GSK3B: variants seen among roughly 807,000 people sequenced by gnomAD.
The protein encoded by GSK3B is glycogen synthase kinase-3 beta.
A neutral mutation model predicts 56.4 loss-of-function variants in GSK3B; 15 were observed. The observed-to-expected ratio is 0.27, with a 90% CI of 0.18 to 0.41. The LOEUF (loss-of-function observed/expected upper bound fraction) is 0.41, where lower values mean the gene tolerates loss of function less well. Ranked by LOEUF, GSK3B falls within the 10% of genes least tolerant of loss-of-function variation. The probability of loss-of-function intolerance (pLI) is 1.00; values close to 1 mark genes in which losing one functional copy is unlikely to be tolerated. For synonymous variants in GSK3B, 181 were observed against 188.9 expected (o/e 0.96, Z 0.34); for missense variants, 300 against 513.4 (o/e 0.58, Z 4.02).
intron 7 of GSK3B, among the ~76,000 whole-genome samples, chr3:119,894,545 G>A: frequency 6.6e-6 from 1 of 152,196 alleles, no homozygotes; most frequent in African/African-American, 2.4e-5. Context: ...CTGGCCATTT[G>A]TGTATCTTCT....
At chr3:120,057,229 AATTT>A (rs1212952523) in intron 1 of GSK3B, among the ~76,000 whole-genome samples, 1 of 152,258 alleles carries the variant, frequency 6.6e-6, no homozygotes, top group East Asian at 1.9e-4. Flanking sequence ...TTAAATCAAC[AATTT>A]TTTTTAAATT....
chr3:119,859,787 T>G (rs1288521113), intron 9 of GSK3B, among the ~76,000 whole-genome samples: 1 of 152,154 alleles, frequency 6.6e-6, no homozygotes, highest in Non-Finnish European at 1.5e-5. Context: ...ATATTCAGTC[T>G]GTCTGAGTCT....
intron 1 of GSK3B, among the ~76,000 whole-genome samples, chr3:120,024,309 CA>C (rs1219811010): frequency 6.6e-6 from 1 of 151,952 alleles, no homozygotes; most frequent in African/African-American, 2.4e-5. Context: ...CTACTGGAGC[CA>C]CTACTGTACT....
chr3:119,933,329 T>C (rs2056965040), intron 3 of GSK3B, among the ~76,000 whole-genome samples: 1 of 152,172 alleles, frequency 6.6e-6, no homozygotes. Flanking sequence ...TCCAAACTCA[T>C]GCAATCTATT....
chr3:119,898,174 A>G (rs1181980362), intron 7 of GSK3B, among the ~76,000 whole-genome samples: 1 of 152,216 alleles, frequency 6.6e-6, no homozygotes, highest in East Asian at 1.9e-4. Context: ...ATTTCATGAT[A>G]AAGTGTCAAA....
At chr3:119,935,876 T>C (rs1048891576) in intron 3 of GSK3B, among the ~76,000 whole-genome samples, 3 of 152,186 alleles carry the variant, frequency 2.0e-5, no homozygotes, top group Non-Finnish European at 4.4e-5. Context: ...TTTAGCAACA[T>C]ATAAAAATGA....
chr3:119,843,337 T>C lies in GSK3B; in HGVS notation c.1113A>G (p.Pro371=). The change falls in exon 10 of 11, where the codon CCA becomes CCG. Residue 371 remains proline (P), a synonymous_variant. Coordinates refer to ENST00000264235, the MANE Select transcript of GSK3B (RefSeq NM_001146156.2). ...GAGGAATAAGGATGGTAGCCAGAGG[T>C]GGATTACTTGACAGTTCTATAGAAG... The part of the protein sequence containing the change: ...NFTTQELSSN[P]PLATILIPPH... 2 of 1,604,444 alleles carry C rather than the reference T, an allele frequency of 1.2e-6. No individual in the cohort carries two copies. The highest frequency in any genetic ancestry group is 1.7e-6 in the Non-Finnish European group (2 of 1,171,970).
At chr3:120,055,485 T>G (rs2058184589) in intron 1 of GSK3B, among the ~76,000 whole-genome samples, 1 of 152,226 alleles carries the variant, frequency 6.6e-6, no homozygotes, top group South Asian at 2.1e-4. Flanking sequence ...TAAATTACTT[T>G]CTAAATCAGG....
At chr3:120,054,215 A>T (rs564009870) in intron 1 of GSK3B, among the ~76,000 whole-genome samples, 1 of 152,164 alleles carries the variant, frequency 6.6e-6, no homozygotes, top group Non-Finnish European at 1.5e-5. Context: ...CCTTAGTTCA[A>T]TCTCTCATTC....
intron 1 of GSK3B, among the ~76,000 whole-genome samples, chr3:120,004,121 C>G (rs1002284551): frequency 6.6e-6 from 1 of 152,228 alleles, no homozygotes; most frequent in African/African-American, 2.4e-5. Context: ...GCGGGTCCCA[C>G]GCCCACACAG....
intron 9 of GSK3B, 87 bp from the exon 10 acceptor site, chr3:119,843,440 C>G: frequency 1.5e-6 from 1 of 680,152 alleles, no homozygotes; most frequent in Non-Finnish European, 2.5e-6. Context: ...AAATAAGATT[C>G]TGCATTAAAC....
chr3:119,943,544 T>C lies in GSK3B; in HGVS notation c.366+3724A>G, dbSNP rs767696241. Among the ~76,000 whole-genome samples, 4 of 152,120 alleles carry C rather than the reference T, an allele frequency of 2.6e-5. 1 individual carries two copies. The highest frequency in any genetic ancestry group is 2.6e-4 in the Admixed American group (4 of 15,268). ...ACAGTAGTAGTGAATAATTTAGTTG[T>C]TTTCCTTAACATTTTCCAAAAAGGG... is the stretch of plus-strand genomic sequence containing the variant. On this transcript the variant is annotated intron_variant, in intron 3 of 10. Transcript: ENST00000264235.
chr3:120,044,892 G>A (rs2058090841), intron 1 of GSK3B, among the ~76,000 whole-genome samples: 1 of 152,202 alleles, frequency 6.6e-6, no homozygotes, highest in South Asian at 2.1e-4. Context: ...GCATAGTGAA[G>A]GTCTTGCAAG....
At chr3:119,928,845 T>C (rs542108023) in intron 3 of GSK3B, among the ~76,000 whole-genome samples, 2 of 152,232 alleles carry the variant, frequency 1.3e-5, no homozygotes, top group African/African-American at 4.8e-5. Context: ...ATCTGCAATA[T>C]AGAGCTAATG....
chr3:120,057,090 A>T (rs1024581182), intron 1 of GSK3B, among the ~76,000 whole-genome samples: 1 of 152,246 alleles, frequency 6.6e-6, no homozygotes, highest in Non-Finnish European at 1.5e-5. Context: ...GGTTGCGGTG[A>T]GCCAAGATCG....
intron 5 of GSK3B, among the ~76,000 whole-genome samples, chr3:119,913,066 A>C (rs544803432): frequency 2.4e-4 from 36 of 152,288 alleles, no homozygotes; most frequent in African/African-American, 7.9e-4. Flanking sequence ...AAAGCAAAAA[A>C]GGATAAGTGT....
At chr3:119,842,926 T>C (rs137946577) in intron 10 of GSK3B, among the ~76,000 whole-genome samples, 40 of 152,256 alleles carry the variant, frequency 2.6e-4, no homozygotes, top group African/African-American at 9.6e-4. Flanking sequence ...ACAGAATTTT[T>C]TTTTTTTGAG....
chr3:119,959,506 CTTTT>C (rs34702117), intron 2 of GSK3B, among the ~76,000 whole-genome samples: 1,061 of 89,176 alleles, frequency 0.012, 16 homozygotes, highest in African/African-American at 0.043. Flanking sequence ...TTCTCTCTGA[CTTTT>C]TTTTTTTTTT....
At chr3:119,929,488 C>A (rs1182259661) in intron 3 of GSK3B, among the ~76,000 whole-genome samples, 3 of 152,100 alleles carry the variant, frequency 2.0e-5, no homozygotes, top group African/African-American at 4.8e-5. Flanking sequence ...AAAGGCTGAA[C>A]CAGGCGCAGT....
Sources: gnomAD v4.1 joint callset for allele counts (sites outside exome capture counted in the v4.1 genomes callset) on GRCh38, gnomAD v4.1.1 for gene constraint, MANE v1.5 for transcripts, NCBI Gene and HGNC (gene_info 2026-07-23, HGNC 2026-07-21) for gene names.